CLPP: variants seen among roughly 807,000 people sequenced by gnomAD.
CLPP encodes the protein caseinolytic mitochondrial matrix peptidase proteolytic subunit.
CLPP carries 14 observed loss-of-function variants against 27.4 expected under a neutral mutation model. The observed-to-expected ratio is 0.51, with a 90% CI of 0.34 to 0.80. CLPP has a LOEUF of 0.80. Ranked by LOEUF, CLPP falls within the 30% of genes least tolerant of loss-of-function variation. CLPP has a pLI of 0.02. For missense variants in CLPP, 361 were observed against 403.6 expected (o/e 0.89, Z 0.90); for synonymous variants, 193 against 166.6 (o/e 1.16, Z -1.22).
At chr19:6,367,721 A>ATT (rs55682354) in intron 5 of CLPP, among the ~76,000 whole-genome samples, 27,200 of 141,970 alleles carry the variant, frequency 0.19, 5,524 homozygotes, top group African/African-American at 0.52. Flanking sequence ...ATCAATAACA[A>ATT]TTTTTTTTTT....
intron 5 of CLPP, among the ~76,000 whole-genome samples, chr19:6,367,549 T>A (rs116894543): frequency 0.027 from 4,043 of 151,560 alleles, 67 homozygotes; most frequent in Non-Finnish European, 0.04. Flanking sequence ...GGGGAGGGGG[T>A]GGCAAGGATT....
In CLPP at chr19:6,369,108, T is replaced by C. The variant is rs1304990086; in HGVS notation, c.*398T>C. 6.6e-6 allele frequency among the ~76,000 whole-genome samples: 1 copy of C among 152,096 alleles called. No individual in the cohort carries two copies. The highest frequency in any genetic ancestry group is 1.5e-5 in the Non-Finnish European group (1 of 68,024). On this transcript the variant is annotated 3_prime_UTR_variant, in exon 6 of 6. Coordinates refer to ENST00000245816, the MANE Select transcript of CLPP (RefSeq NM_006012.4). ...CCTCCTCAAAAGAGCTCCATTCTTG[T>C]GGCAGTAGACAGTTACTAAAAAAAA...
intron 3 of CLPP, among the ~76,000 whole-genome samples, chr19:6,364,124 G>A (rs921690760): frequency 6.7e-5 from 10 of 148,252 alleles, no homozygotes; most frequent in Non-Finnish European, 1.5e-4. Flanking sequence ...TCCGCCTCCC[G>A]GGTTCACGCC....
intron 5 of CLPP, among the ~76,000 whole-genome samples, chr19:6,367,374 C>CA (rs761550793): frequency 0.15 from 9,025 of 60,328 alleles, 685 homozygotes; most frequent in East Asian, 0.47. Context: ...GACCCTGTCT[C>CA]AAAAAAAAAA....
chr19:6,368,021 G>T (rs773515048), intron 5 of CLPP, among the ~76,000 whole-genome samples: 3 of 152,116 alleles, frequency 2.0e-5, no homozygotes, highest in Non-Finnish European at 4.4e-5. Flanking sequence ...GTGAGCCACC[G>T]TGCCTGGCCC....
chr19:6,362,670 T>A, intron 3 of CLPP, 128 bp downstream of exon 3: 3 of 692,486 alleles, frequency 4.3e-6, no homozygotes, highest in Non-Finnish European at 7.5e-6. Flanking sequence ...GTTCCAGAAG[T>A]GGCTTTAAAC....
chr19:6,361,563 G>A lies in CLPP; in HGVS notation c.-12G>A. The A allele has an allele frequency of 1.4e-6, 2 of 1,393,570 alleles. No individual in the cohort carries two copies. Among genetic ancestry groups the A allele is most frequent in the African/African-American group, 1.5e-5 (1 of 65,580 alleles). The allele number at this position is 1,393,570 out of a possible 1,614,324, so 86.3% of individuals were successfully genotyped here. A position where few individuals can be genotyped will look rare whatever the true frequency, so the allele number is the denominator to read the frequency against. The stretch of plus-strand genomic sequence containing the variant: ...CGCCATCGGACGGAAGCCGACCGGG[G>A]CGTGCGGAGGGATGTGGCCCGGAAT... On this transcript the variant is annotated 5_prime_UTR_variant, in exon 1 of 6. Coordinates refer to ENST00000245816, the MANE Select transcript of CLPP (RefSeq NM_006012.4).
intron 5 of CLPP, among the ~76,000 whole-genome samples, chr19:6,368,173 T>C (rs2091871574): frequency 6.6e-6 from 1 of 152,114 alleles, no homozygotes; most frequent in South Asian, 2.1e-4. Flanking sequence ...GAGATTTATG[T>C]CTCACAGTTC....
chr19:6,362,408 C>T, intron 2 of CLPP, 38 bp from the exon 3 acceptor site: 1 of 1,483,598 alleles, frequency 6.7e-7, no homozygotes, highest in Admixed American at 1.7e-5. Context: ...CTCTCCCCAC[C>T]CCGAATCTGG....
chr19:6,366,457 T>A, intron 5 of CLPP, 94 bp downstream of exon 5: 3 of 927,514 alleles, frequency 3.2e-6, no homozygotes, highest in Non-Finnish European at 5.0e-6. Context: ...CTGCGGACTT[T>A]CAGGGCTGGA....
At position 6,362,470 on chromosome 19, in the gene CLPP, G is replaced by C; in HGVS notation, c.295G>C (p.Val99Leu). ...GPIDDSVASL[V>L]IAQLLFLQSE... ...GATCGATGACAGCGTTGCCAGCCTT[G>C]TTATCGCACAGCTCCTCTTCCTGCA... is the stretch of plus-strand genomic sequence containing the variant. The change falls in exon 3 of 6, where the codon GTT becomes CTT. Residue 99 changes from valine (V) to leucine (L), a missense_variant. Coordinates refer to ENST00000245816, the MANE Select transcript of CLPP (RefSeq NM_006012.4). 6.2e-7 allele frequency: 1 copy of C among 1,613,972 alleles called. No homozygotes were observed. The highest frequency in any genetic ancestry group is 8.5e-7 in the Non-Finnish European group (1 of 1,179,942).
chr19:6,363,018 AG>A (rs1747010518), intron 3 of CLPP, among the ~76,000 whole-genome samples: 1 of 152,094 alleles, frequency 6.6e-6, no homozygotes, highest in Admixed American at 6.6e-5. Flanking sequence ...TGAGCCCAGG[AG>A]GTCGAGGCTG....
intron 5 of CLPP, among the ~76,000 whole-genome samples, chr19:6,367,817 C>T (rs1447342233): frequency 2.0e-5 from 3 of 151,572 alleles, no homozygotes; most frequent in Admixed American, 6.6e-5. Flanking sequence ...ATTCTCATAC[C>T]TCAGCCTCCC....
In CLPP at chr19:6,368,909, C is replaced by T. The variant is rs73561893; in HGVS notation, c.*199C>T. 186 of 591,204 alleles carry T rather than the reference C, an allele frequency of 3.1e-4. No homozygotes were observed. The highest frequency in any genetic ancestry group is 3.0e-3 in the African/African-American group (162 of 53,732). The allele number at this position is 591,204 out of a possible 1,614,324, so 36.6% of individuals were successfully genotyped here. On this transcript the variant is annotated 3_prime_UTR_variant, in exon 6 of 6. Transcript: ENST00000245816. The stretch of plus-strand genomic sequence containing the variant: ...TTAAATCTTTGTGGTCTTTGCTCTG[C>T]GTCTGGGACACCCTCCCTTCTGCAC...
chr19:6,368,798 C>T lies in CLPP; in HGVS notation c.*88C>T, dbSNP rs2091874348. ...GCCCTGCTCACCCCTTGTTGCTGGG[C>T]TTGGAGGGGCCTCTTGAGGAACTTT... On this transcript the variant is annotated 3_prime_UTR_variant, in exon 6 of 6. Coordinates refer to ENST00000245816, the MANE Select transcript of CLPP (RefSeq NM_006012.4). 1.9e-5 allele frequency: 24 copies of T among 1,274,542 alleles called. No homozygotes were observed. Among genetic ancestry groups the T allele is most frequent in the Non-Finnish European group, 2.6e-5 (24 of 934,134 alleles). The allele number at this position is 1,274,542 out of a possible 1,614,324, so 79.0% of individuals were successfully genotyped here.
chr19:6,362,398 C>A, intron 2 of CLPP, 48 bp from the exon 3 acceptor site: 1 of 1,377,392 alleles, frequency 7.3e-7, no homozygotes, highest in South Asian at 1.2e-5. Flanking sequence ...CCTTAAAACT[C>A]TCTCCCCACC....
intron 2 of CLPP, 23 bp downstream of exon 2, chr19:6,361,963 C>T: frequency 6.3e-7 from 1 of 1,591,482 alleles, no homozygotes; most frequent in Non-Finnish European, 8.5e-7. Context: ...CGCCGGGACC[C>T]TCCCCAGGAC....
chr19:6,364,180 G>A (rs904407183), intron 3 of CLPP, among the ~76,000 whole-genome samples: 21 of 151,740 alleles, frequency 1.4e-4, no homozygotes, highest in Non-Finnish European at 2.6e-4. Flanking sequence ...ACAGGCACCC[G>A]CCACCACGCC....
intron 4 of CLPP, 59 bp downstream of exon 4, chr19:6,364,698 C>A: frequency 6.7e-7 from 1 of 1,485,486 alleles, no homozygotes; most frequent in Non-Finnish European, 9.1e-7. Context: ...GACAGAAGGA[C>A]TGACTGGGCG....
Sources: gnomAD v4.1 joint callset for allele counts (sites outside exome capture counted in the v4.1 genomes callset) on GRCh38, gnomAD v4.1.1 for gene constraint, MANE v1.5 for transcripts, NCBI Gene and HGNC (gene_info 2026-07-23, HGNC 2026-07-21) for gene names.